Variants in BMP2K observed in about 807,000 individuals in gnomAD.
BMP2K encodes the protein BMP-2-inducible protein kinase.
BMP2K carries 74 observed loss-of-function variants against 116.0 expected under a neutral mutation model. That is an observed-to-expected ratio of 0.64 (90% CI 0.53 to 0.77). BMP2K has a LOEUF of 0.77. BMP2K is among the 30% of genes least tolerant of loss of function. BMP2K has a pLI of 0.00. For missense variants in BMP2K, 1,365 were observed against 1,403.6 expected (o/e 0.97, Z 0.44); for synonymous variants, 486 against 502.5 (o/e 0.97, Z 0.44).
At chr4:78,837,779 G>A (rs922425397) in intron 3 of BMP2K, among the ~76,000 whole-genome samples, 1 of 152,062 alleles carries the variant, frequency 6.6e-6, no homozygotes, top group Non-Finnish European at 1.5e-5. Flanking sequence ...GGGATTAGAG[G>A]TGCACATGGC....
Position 78,786,405 on chromosome 4 carries a change from A to ATGTGTGTGTGTGTGTG in BMP2K, c.178+9716_178+9731dup, listed in dbSNP as rs34288286. On this transcript the variant is annotated intron_variant, in intron 1 of 15. Transcript: ENST00000502613. ...AATTCTGTTGCTTATAAGCCACCCA[A>ATGTGTGTGTGTGTGTG]TGTGTGTGTGTGTGTGTGTGTGTGT... 2.5e-3 allele frequency among the ~76,000 whole-genome samples: 341 copies of ATGTGTGTGTGTGTGTG among 134,370 alleles called. 3 individuals are homozygous for ATGTGTGTGTGTGTGTG. Among genetic ancestry groups the ATGTGTGTGTGTGTGTG allele is most frequent in the African/African-American group, 6.2e-3 (223 of 36,020 alleles). The allele number at this position is 134,370 out of a possible 152,430, so 88.2% of individuals were successfully genotyped here.
chr4:78,872,013 A>T lies in BMP2K; in HGVS notation c.1608+65A>T, dbSNP rs770882892. ...TTATGGTGTTGGAATTCACAGTATG[A>T]ATCATATTATTCAGAATTTAGTAAT... On this transcript the variant is annotated intron_variant, in intron 12 of 15. Transcript: ENST00000502613. 498 of 1,141,178 alleles carry T rather than the reference A, an allele frequency of 4.4e-4. 1 individual carries two copies. The highest frequency in any genetic ancestry group is 6.1e-4 in the Non-Finnish European group (481 of 786,910). 70.7% of individuals were successfully genotyped at this position (1,141,178 alleles called of 1,614,324 possible).
chr4:78,784,732 A>G (rs1297711350), intron 1 of BMP2K, among the ~76,000 whole-genome samples: 1 of 152,198 alleles, frequency 6.6e-6, no homozygotes, highest in Non-Finnish European at 1.5e-5. Context: ...TAACATTTTT[A>G]ATTATCTTTG....
intron 5 of BMP2K, 120 bp from the exon 6 acceptor site, chr4:78,847,068 A>G (rs1197755353): frequency 2.4e-6 from 1 of 418,196 alleles, no homozygotes; most frequent in Non-Finnish European, 4.0e-6. Context: ...ATTACTCTAT[A>G]TAATGTTATT....
intron 1 of BMP2K, among the ~76,000 whole-genome samples, chr4:78,786,105 A>G (rs1245755947): frequency 6.6e-6 from 1 of 152,020 alleles, no homozygotes; most frequent in Non-Finnish European, 1.5e-5. Flanking sequence ...TATCGTCTGA[A>G]TGTTTGTGAC....
At chr4:78,845,607 C>T (rs577245383) in intron 5 of BMP2K, among the ~76,000 whole-genome samples, 4 of 151,680 alleles carry the variant, frequency 2.6e-5, no homozygotes, top group Admixed American at 6.6e-5. Flanking sequence ...TGCTAAAGTA[C>T]CTGTGAGAAT....
chr4:78,865,074 T>A (rs1271905252), intron 9 of BMP2K, among the ~76,000 whole-genome samples: 3 of 152,222 alleles, frequency 2.0e-5, no homozygotes, highest in African/African-American at 7.2e-5. Flanking sequence ...AGGTGGCATC[T>A]GTTAAAAGTT....
At chr4:78,808,674 C>T (rs1050013832) in intron 1 of BMP2K, among the ~76,000 whole-genome samples, 1 of 152,118 alleles carries the variant, frequency 6.6e-6, no homozygotes, top group African/African-American at 2.4e-5. Flanking sequence ...TTTGATTCAC[C>T]TGAAAGTATT....
intron 15 of BMP2K, among the ~76,000 whole-genome samples, chr4:78,908,712 T>C (rs1734410103): frequency 6.6e-6 from 1 of 152,212 alleles, no homozygotes; most frequent in African/African-American, 2.4e-5. Context: ...AAATTTTTAG[T>C]ACTCCTCTTC....
chr4:78,817,681 A>G (rs938765292), intron 1 of BMP2K, among the ~76,000 whole-genome samples: 1 of 152,160 alleles, frequency 6.6e-6, no homozygotes, highest in South Asian at 2.1e-4. Flanking sequence ...CATATGATTG[A>G]ACTCGATCTC....
chr4:78,837,795 CT>C (rs1293869016), intron 3 of BMP2K, among the ~76,000 whole-genome samples: 4 of 152,120 alleles, frequency 2.6e-5, no homozygotes, highest in Admixed American at 6.6e-5. Context: ...ATGGCCATGC[CT>C]AGCCAATTTC....
At chr4:78,845,116 A>T (rs1278584860) in intron 5 of BMP2K, 67 bp downstream of exon 5, 1 of 1,293,428 alleles carries the variant, frequency 7.7e-7, no homozygotes, top group Admixed American at 2.5e-5. Flanking sequence ...TCTGGCCAGC[A>T]CTGCTAATAC....
chr4:78,800,203 A>G (rs1728500142), intron 1 of BMP2K, among the ~76,000 whole-genome samples: 1 of 152,152 alleles, frequency 6.6e-6, no homozygotes, highest in African/African-American at 2.4e-5. Context: ...GAAGTAATAG[A>G]TAGTGGCTCT....
At chr4:78,840,871 C>G (rs1231066581) in intron 3 of BMP2K, among the ~76,000 whole-genome samples, 1 of 152,126 alleles carries the variant, frequency 6.6e-6, no homozygotes, top group East Asian at 1.9e-4. Context: ...GGATTGAGTT[C>G]AAGGTTATGA....
chr4:78,906,582 TG>T (rs1734297428), intron 15 of BMP2K, among the ~76,000 whole-genome samples: 1 of 152,164 alleles, frequency 6.6e-6, no homozygotes, highest in African/African-American at 2.4e-5. Context: ...TGTACCCTTA[TG>T]CTGTGTGGAT....
chr4:78,891,933 T>G (rs1344591111), intron 15 of BMP2K, among the ~76,000 whole-genome samples: 1 of 152,144 alleles, frequency 6.6e-6, no homozygotes, highest in African/African-American at 2.4e-5. Context: ...TAGTGGGAAA[T>G]GCCAAACCGA....
At chr4:78,899,897 A>T (rs994006787) in intron 15 of BMP2K, among the ~76,000 whole-genome samples, 1 of 152,190 alleles carries the variant, frequency 6.6e-6, no homozygotes, top group Non-Finnish European at 1.5e-5. Flanking sequence ...GAACAGAGAA[A>T]GGTAGGTAGG....
intron 1 of BMP2K, among the ~76,000 whole-genome samples, chr4:78,807,125 T>C (rs1001098405): frequency 2.6e-5 from 4 of 152,200 alleles, no homozygotes; most frequent in Admixed American, 1.3e-4. Flanking sequence ...GTGCTGGGAT[T>C]ATAGGTGGGA....
At chr4:78,813,205 A>G (rs1447126641) in intron 1 of BMP2K, among the ~76,000 whole-genome samples, 1 of 152,222 alleles carries the variant, frequency 6.6e-6, no homozygotes, top group African/African-American at 2.4e-5. Flanking sequence ...ATATCCAGTC[A>G]TTCAGGAAAT....
Sources: gnomAD v4.1 joint callset for allele counts (sites outside exome capture counted in the v4.1 genomes callset) on GRCh38, gnomAD v4.1.1 for gene constraint, MANE v1.5 for transcripts, NCBI Gene and HGNC (gene_info 2026-07-23, HGNC 2026-07-21) for gene names.